ZNF346: variants seen among roughly 807,000 people sequenced by gnomAD.
ZNF346 encodes zinc finger protein 346.
A neutral mutation model predicts 33.7 loss-of-function variants in ZNF346; 23 were observed. That is an observed-to-expected ratio of 0.68 (90% CI 0.49 to 0.97). The LOEUF is 0.97. Ranked by LOEUF, ZNF346 falls within the 50% of genes least tolerant of loss-of-function variation. The probability of loss-of-function intolerance (pLI) is 0.00; values close to 1 mark genes in which losing one functional copy is unlikely to be tolerated. For missense variants in ZNF346, 340 were observed against 371.1 expected (o/e 0.92, Z 0.69); for synonymous variants, 134 against 142.4 (o/e 0.94, Z 0.42).
At chr5:177,044,216 G>A (rs1779739458) in intron 3 of ZNF346, 173 bp from the exon 4 acceptor site, 1 of 651,158 alleles carries the variant, frequency 1.5e-6, no homozygotes, top group Admixed American at 3.1e-5. Flanking sequence ...TAAAGTGGGG[G>A]ATGGTGAGTA....
chr5:177,041,673 CT>C, intron 2 of ZNF346, 104 bp from the exon 3 acceptor site: 1 of 752,766 alleles, frequency 1.3e-6, no homozygotes, highest in Non-Finnish European at 2.2e-6. Flanking sequence ...CTCCTCAAAA[CT>C]TTTTGTGAGG....
intron 1 of ZNF346, among the ~76,000 whole-genome samples, chr5:177,029,326 A>G (rs1777340049): frequency 6.6e-6 from 1 of 152,066 alleles, no homozygotes; most frequent in Non-Finnish European, 1.5e-5. Context: ...AGTGTGGCAC[A>G]CCCCAATTCC....
intron 4 of ZNF346, 73 bp from the exon 5 acceptor site, chr5:177,050,678 T>C: frequency 6.4e-7 from 1 of 1,567,494 alleles, no homozygotes; most frequent in Non-Finnish European, 8.8e-7. Flanking sequence ...TTTTCATTGT[T>C]TCTGTTTGAA....
intron 4 of ZNF346, 72 bp from the exon 5 acceptor site, chr5:177,050,679 T>C: frequency 6.4e-7 from 1 of 1,569,404 alleles, no homozygotes; most frequent in African/African-American, 1.4e-5. Flanking sequence ...TTTCATTGTT[T>C]CTGTTTGAAC....
At chr5:177,044,104 T>C (rs1779726527) in intron 3 of ZNF346, among the ~76,000 whole-genome samples, 1 of 152,034 alleles carries the variant, frequency 6.6e-6, no homozygotes, top group South Asian at 2.1e-4. Flanking sequence ...ATATTTAAAT[T>C]GGGTCTTGAA....
intron 8 of ZNF346, among the ~76,000 whole-genome samples, chr5:177,073,188 T>C (rs533791074): frequency 6.6e-6 from 1 of 152,376 alleles, no homozygotes; most frequent in African/African-American, 2.4e-5. Flanking sequence ...GTCCCTAGCA[T>C]AGGACTGTGC....
At chr5:177,039,051 C>G (rs1279666661) in intron 1 of ZNF346, among the ~76,000 whole-genome samples, 2 of 151,832 alleles carry the variant, frequency 1.3e-5, no homozygotes, top group African/African-American at 4.8e-5. Flanking sequence ...TTCACCACAC[C>G]CGGCTAGTTT....
chr5:177,072,773 C>T (rs765604649), downstream of ZNF346, among the ~76,000 whole-genome samples: 2 of 151,676 alleles, frequency 1.3e-5, no homozygotes, highest in Non-Finnish European at 1.5e-5. Context: ...TGCTTGAACC[C>T]GTGAGGCGGA....
intron 1 of ZNF346, among the ~76,000 whole-genome samples, chr5:177,025,979 T>C (rs1291058014): frequency 7.9e-6 from 1 of 125,946 alleles, no homozygotes; most frequent in Non-Finnish European, 1.7e-5. Context: ...CTTGTAGATC[T>C]TCCTTATTAT....
intron 1 of ZNF346, among the ~76,000 whole-genome samples, chr5:177,038,262 T>TTG (rs1310887425): frequency 2.7e-5 from 4 of 148,546 alleles, no homozygotes; most frequent in African/African-American, 5.0e-5. Context: ...CTACGTTTTT[T>TTG]TTTTTTGTGT....
rs34407961 is a variant in ZNF346, at chr5:177,057,816, A to ATTTGTTTATTTG, written c.704-4239_704-4238insGTTTATTTGTTT. Reference sequence around the variant, plus strand: ...GATTTTCTTATTTATTTATTTATTTATTTATTTATTTATTTATTTATTGAG... The same window carrying ATTTGTTTATTTG: ...GATTTTCTTATTTATTTATTTATTTATTTGTTTATTTGTTTATTTATTTATTTATTTATTGAG... On this transcript the variant is annotated intron_variant, in intron 5 of 6. Coordinates refer to ENST00000358149, the MANE Select transcript of ZNF346 (RefSeq NM_012279.4). Among the ~76,000 whole-genome samples, 241 of 148,840 alleles carry ATTTGTTTATTTG rather than the reference A, an allele frequency of 1.6e-3. 2 individuals are homozygous for ATTTGTTTATTTG. In the East Asian group the frequency reaches 0.034, roughly 21 times the overall value.
chr5:177,071,366 TAAA>T (rs909904213), downstream of ZNF346, among the ~76,000 whole-genome samples: 11 of 129,850 alleles, frequency 8.5e-5, no homozygotes, highest in Non-Finnish European at 1.5e-4. Flanking sequence ...GGGAGCCTCT[TAAA>T]AAAAAAAAAA....
chr5:177,040,962 A>G (rs1322013783), intron 1 of ZNF346, among the ~76,000 whole-genome samples, 164 bp from the exon 2 acceptor site: 1 of 152,150 alleles, frequency 6.6e-6, no homozygotes, highest in Non-Finnish European at 1.5e-5. Flanking sequence ...TGGTGTGAGA[A>G]CACAGCATGA....
intron 6 of ZNF346, among the ~76,000 whole-genome samples, chr5:177,063,905 T>C (rs912918417): frequency 1.6e-5 from 2 of 123,914 alleles, no homozygotes; most frequent in Admixed American, 1.5e-4. Context: ...CTCAAAATTT[T>C]AAAAAAGCCT....
intron 1 of ZNF346, among the ~76,000 whole-genome samples, chr5:177,038,272 T>G (rs1317699451): frequency 1.7e-5 from 2 of 117,886 alleles, no homozygotes; most frequent in Non-Finnish European, 1.7e-5. Flanking sequence ...TTTTTTTGTG[T>G]GTGTGTGTTT....
At chr5:177,026,271 C>G (rs1335084663) in intron 1 of ZNF346, among the ~76,000 whole-genome samples, 1 of 151,822 alleles carries the variant, frequency 6.6e-6, no homozygotes, top group African/African-American at 2.4e-5. Flanking sequence ...TCCCAAAGTG[C>G]TGGCATTACA....
chr5:177,026,561 C>T (rs1044727058), intron 1 of ZNF346, among the ~76,000 whole-genome samples: 3 of 151,882 alleles, frequency 2.0e-5, no homozygotes, highest in African/African-American at 7.3e-5. Context: ...AGAGTTTCAC[C>T]ATGTTGGCCA....
intron 1 of ZNF346, among the ~76,000 whole-genome samples, chr5:177,030,336 C>T (rs940503463): frequency 6.6e-6 from 1 of 151,840 alleles, no homozygotes; most frequent in Non-Finnish European, 1.5e-5. Context: ...TGTAGTGCAA[C>T]TGGGCTGGGG....
exon 9 of ZNF346, chr5:177,080,110 T>G (rs568321858): frequency 2.0e-5 from 3 of 152,434 alleles, no homozygotes; most frequent in Admixed American, 2.0e-4. Flanking sequence ...CAGGCTGTCA[T>G]CAGCTCTAAA....
Sources: gnomAD v4.1 joint callset for allele counts (sites outside exome capture counted in the v4.1 genomes callset) on GRCh38, gnomAD v4.1.1 for gene constraint, MANE v1.5 for transcripts, NCBI Gene and HGNC (gene_info 2026-07-23, HGNC 2026-07-21) for gene names.